Variants in HEMK2 observed in about 807,000 individuals in gnomAD.
HEMK2 encodes the protein methyltransferase HEMK2.
chr21:28,877,303 A>AGG, the HEMK2 span, among the ~76,000 whole-genome samples: 1 of 136,176 alleles, frequency 7.3e-6, no homozygotes, highest in Non-Finnish European at 1.6e-5. Flanking sequence ...GAAGGAAGAG[A>AGG]GAGAGAAAGA....
the HEMK2 span, among the ~76,000 whole-genome samples, chr21:28,743,518 C>T: frequency 0.23 from 34,742 of 151,438 alleles, 4,605 homozygotes; most frequent in African/African-American, 0.35. Context: ...CTTAACAGAA[C>T]ACAGTAAGTA....
the HEMK2 span, among the ~76,000 whole-genome samples, chr21:28,785,038 A>G: frequency 6.6e-6 from 1 of 151,950 alleles, no homozygotes; most frequent in Admixed American, 6.5e-5. Context: ...AGGAACGAAC[A>G]ACTCCAGATG....
At chr21:28,608,244 C>A in the HEMK2 span, among the ~76,000 whole-genome samples, 1 of 152,020 alleles carries the variant, frequency 6.6e-6, no homozygotes, top group African/African-American at 2.4e-5. Flanking sequence ...ACACTTTCAA[C>A]CAAAACCCAA....
At chr21:28,727,390 G>A in the HEMK2 span, among the ~76,000 whole-genome samples, 1 of 152,174 alleles carries the variant, frequency 6.6e-6, no homozygotes, top group African/African-American at 2.4e-5. Context: ...TCAACTCTTT[G>A]GTTTGGTTAC....
the HEMK2 span, among the ~76,000 whole-genome samples, chr21:28,644,736 T>C: frequency 6.6e-6 from 1 of 152,242 alleles, no homozygotes; most frequent in Non-Finnish European, 1.5e-5. Flanking sequence ...AATCAATTTC[T>C]CATTCTAATA....
the HEMK2 span, among the ~76,000 whole-genome samples, chr21:28,832,874 C>T: frequency 6.6e-6 from 1 of 152,232 alleles, no homozygotes; most frequent in Non-Finnish European, 1.5e-5. Flanking sequence ...GCTAATATTT[C>T]TGGAGTAACA....
At chr21:28,646,432 G>A in the HEMK2 span, among the ~76,000 whole-genome samples, 1 of 152,168 alleles carries the variant, frequency 6.6e-6, no homozygotes, top group Non-Finnish European at 1.5e-5. Flanking sequence ...AGTGGAGGGG[G>A]AAGAACATTG....
At chr21:28,763,117 A>G in the HEMK2 span, among the ~76,000 whole-genome samples, 1 of 152,196 alleles carries the variant, frequency 6.6e-6, no homozygotes, top group Non-Finnish European at 1.5e-5. Flanking sequence ...CCAATGGGAC[A>G]CCCTTGCTAT....
the HEMK2 span, among the ~76,000 whole-genome samples, chr21:28,603,015 T>G: frequency 6.6e-6 from 1 of 152,320 alleles, no homozygotes; most frequent in East Asian, 1.9e-4. Flanking sequence ...TGAAGACCAC[T>G]TGCCTGCAGC....
At chr21:28,883,168 T>A in the HEMK2 span, 1 of 716,988 alleles carries the variant, frequency 1.4e-6, no homozygotes, top group Non-Finnish European at 2.2e-6. Flanking sequence ...TATATTTCTC[T>A]AGCATCATCA....
the HEMK2 span, among the ~76,000 whole-genome samples, chr21:28,647,321 T>TAAAAAAAA: frequency 2.2e-5 from 1 of 46,440 alleles, no homozygotes; most frequent in Non-Finnish European, 3.8e-5. Flanking sequence ...CCATCTCTAC[T>TAAAAAAAA]AAAAAAAAAA....
the HEMK2 span, among the ~76,000 whole-genome samples, chr21:28,607,992 C>T: frequency 6.6e-6 from 1 of 152,054 alleles, no homozygotes; most frequent in African/African-American, 2.4e-5. Context: ...CAACTTTGCC[C>T]CATGTTTTCC....
chr21:28,862,571 G>A, the HEMK2 span, among the ~76,000 whole-genome samples: 8 of 123,290 alleles, frequency 6.5e-5, 1 homozygote, highest in African/African-American at 2.3e-4. Context: ...CCCGGGAAGC[G>A]GAGCTTGCAG....
chr21:28,628,135 C>T, the HEMK2 span, among the ~76,000 whole-genome samples: 1 of 152,050 alleles, frequency 6.6e-6, no homozygotes, highest in Admixed American at 6.6e-5. Context: ...TACTCAAAAG[C>T]CAAGAACCTG....
chr21:28,622,187 A>G, the HEMK2 span, among the ~76,000 whole-genome samples: 1 of 152,220 alleles, frequency 6.6e-6, no homozygotes, highest in African/African-American at 2.4e-5. Flanking sequence ...CACCAATTAC[A>G]GACAAACAGA....
At chr21:28,643,448 G>C in the HEMK2 span, among the ~76,000 whole-genome samples, 4 of 143,596 alleles carry the variant, frequency 2.8e-5, no homozygotes, top group Admixed American at 2.8e-4. Context: ...GAGACTGAGG[G>C]GGGAGGATTG....
the HEMK2 span, among the ~76,000 whole-genome samples, chr21:28,808,753 T>C: frequency 1.3e-5 from 2 of 152,308 alleles, no homozygotes; most frequent in East Asian, 3.9e-4. Context: ...TTATGAGTTC[T>C]AGTGGTTGTA....
chr21:28,811,426 A>T, the HEMK2 span, among the ~76,000 whole-genome samples: 2 of 121,056 alleles, frequency 1.7e-5, no homozygotes, highest in Non-Finnish European at 3.3e-5. Context: ...GGAAGGAAGG[A>T]GGGAGAGAGG....
chr21:28,749,347 T>C, the HEMK2 span, among the ~76,000 whole-genome samples: 1 of 152,216 alleles, frequency 6.6e-6, no homozygotes, highest in Non-Finnish European at 1.5e-5. Flanking sequence ...AATTAACTCA[T>C]TTAATTCTCA....
Sources: allele counts gnomAD v4.1 joint callset (sites outside exome capture counted in the v4.1 genomes callset), GRCh38; gene constraint gnomAD v4.1.1; transcripts MANE v1.5; gene names NCBI Gene and HGNC (gene_info 2026-07-23, HGNC 2026-07-21).